Variants in AGAP6 observed in about 807,000 individuals in gnomAD.
AGAP6 encodes the protein arf-GAP with GTPase, ANK repeat and PH domain-containing protein 6.
Under a neutral mutation model 63.9 loss-of-function variants are expected in AGAP6, and 29 were observed. That is an observed-to-expected ratio of 0.45 (90% confidence interval 0.34 to 0.62). The LOEUF is 0.62. Among genes scored for constraint, AGAP6 ranks in the 20% least tolerant of loss-of-function variants. The probability of loss-of-function intolerance (pLI) is 0.01; values close to 1 mark genes in which losing one functional copy is unlikely to be tolerated. For missense variants in AGAP6, 493 were observed against 884.9 expected (o/e 0.56, Z 5.62); for synonymous variants, 199 against 332.9 (o/e 0.60, Z 4.38).
chr10:50,001,448 C>G (rs1313445296), intron 4 of AGAP6, among the ~76,000 whole-genome samples: 1 of 115,710 alleles, frequency 8.6e-6, no homozygotes, highest in South Asian at 3.4e-4. Context: ...GAGACGGAGT[C>G]TCACTTTGTC....
At position 49,996,224 on chromosome 10, in the gene AGAP6, T is replaced by C. The variant is rs186015074; in HGVS notation, c.396+1795T>C. ...ACTATTTCTATTGAATTTTGTAATT[T>C]TTGGAGTGTTTTAAGATTTTTTTTT... On this transcript the variant is annotated intron_variant, in intron 4 of 7. Coordinates refer to ENST00000412531, the MANE Select transcript of AGAP6 (RefSeq NM_001077665.3). 5.9e-3 allele frequency among the ~76,000 whole-genome samples: 898 copies of C among 152,310 alleles called. 12 individuals carry two copies. Among genetic ancestry groups the C allele is most frequent in the African/African-American group, 0.02 (832 of 41,566 alleles).
At chr10:49,997,729 A>G (rs77358854) in intron 4 of AGAP6, among the ~76,000 whole-genome samples, 1 of 151,406 alleles carries the variant, frequency 6.6e-6, no homozygotes, top group South Asian at 2.1e-4. Flanking sequence ...AGGTGCACCC[A>G]TCACCTGAGC....
intron 2 of AGAP6, 64 bp downstream of exon 2, chr10:49,989,440 G>A: frequency 2.5e-6 from 4 of 1,594,138 alleles, no homozygotes; most frequent in South Asian, 1.1e-5. Flanking sequence ...GCTTCTTTGA[G>A]CTATTCTCTT....
At chr10:50,006,885 T>G (rs1554863991) in intron 6 of AGAP6, among the ~76,000 whole-genome samples, 1 of 152,184 alleles carries the variant, frequency 6.6e-6, no homozygotes, top group Non-Finnish European at 1.5e-5. Flanking sequence ...TCAGGCTATG[T>G]TTTTTACCTG....
At position 50,009,563 on chromosome 10, in the gene AGAP6, G is replaced by A. The variant is rs1554865123; in HGVS notation, c.1438G>A (p.Val480Met). 6 of 1,613,866 alleles carry A rather than the reference G, an allele frequency of 3.7e-6. No homozygotes were observed. Among genetic ancestry groups the A allele is most frequent in the Non-Finnish European group, 5.1e-6 (6 of 1,180,010 alleles). Residue 480 changes from valine (V) to methionine (M), a missense_variant, in exon 8 of 8, where the codon GTG becomes ATG. By Grantham distance (21) the Val-to-Met change is conservative (BLOSUM62 1). Transcript: ENST00000412531. ...IQNMRGNAHC[V>M]DCETQNPKWA... ...AAACATGCGTGGGAACGCCCACTGT[G>A]TGGACTGTGAGACCCAGAATCCTAA...
chr10:50,005,895 G>C (rs1554863813), intron 6 of AGAP6, among the ~76,000 whole-genome samples: 1 of 147,462 alleles, frequency 6.8e-6, no homozygotes, highest in Non-Finnish European at 1.5e-5. Context: ...ACCCCAGCCT[G>C]GGTGACAGAG....
chr10:50,009,031 G>T lies in AGAP6; in HGVS notation c.906G>T (p.Lys302Asn). The T allele has an allele frequency of 6.2e-7, 1 of 1,613,734 alleles. No individual in the cohort carries two copies. Among genetic ancestry groups the T allele is most frequent in the African/African-American group, 1.3e-5 (1 of 75,012 alleles). Residue 302 changes from lysine to asparagine, a missense_variant, in exon 8 of 8, where the codon AAG becomes AAT. Lys to Asn is a moderately conservative substitution (Grantham distance 94). This residue lies in a region of AGAP6 where 342 missense variants were observed against 533.4 expected (regional missense o/e 0.64). Transcript: ENST00000412531. Reference sequence around the variant, plus strand: ...GGAAATGGCTGAAGACATGGAAAAAGAAATACGTCACCCTGTGTTCCAATG... The same window carrying T: ...GGAAATGGCTGAAGACATGGAAAAATAAATACGTCACCCTGTGTTCCAATG... ...RSGKWLKTWK[K>N]KYVTLCSNGM...
In AGAP6 at chr10:50,008,700, G is replaced by A. The variant is rs1554864430; in HGVS notation, c.586-11G>A. 2 of 1,614,088 alleles carry A rather than the reference G, an allele frequency of 1.2e-6. No individual in the cohort carries two copies. The highest frequency in any genetic ancestry group is 1.7e-6 in the Non-Finnish European group (2 of 1,180,026). On this transcript the variant is annotated splice_polypyrimidine_tract_variant and intron_variant, in intron 7 of 7. Transcript: ENST00000412531. Reference sequence around the variant, plus strand: ...AATTTTTGAAGCCATTCCTCCTCCTGTTCCACACAGGTTTCCACCGTGCAC... The same window carrying A: ...AATTTTTGAAGCCATTCCTCCTCCTATTCCACACAGGTTTCCACCGTGCAC...
At chr10:50,004,295 G>A (rs1841822602) in intron 5 of AGAP6, among the ~76,000 whole-genome samples, 1 of 150,784 alleles carries the variant, frequency 6.6e-6, no homozygotes, top group African/African-American at 2.4e-5. Flanking sequence ...GGTGGAGGTT[G>A]TGAGGAGTCA....
At chr10:49,992,423 A>G (rs1564706665) in intron 3 of AGAP6, among the ~76,000 whole-genome samples, 3 of 152,320 alleles carry the variant, frequency 2.0e-5, no homozygotes, top group South Asian at 2.1e-4. Context: ...TGAGGGTTCT[A>G]TAATAATGTG....
chr10:49,990,936 T>TTA (rs1332286322), intron 2 of AGAP6, among the ~76,000 whole-genome samples: 1 of 151,986 alleles, frequency 6.6e-6, no homozygotes, highest in Non-Finnish European at 1.5e-5. Context: ...TTGTGTAAAC[T>TTA]TATACTCTGC....
chr10:49,991,231 C>T (rs71508023), intron 2 of AGAP6, among the ~76,000 whole-genome samples: 27,915 of 149,806 alleles, frequency 0.19, 3,122 homozygotes, highest in Non-Finnish European at 0.26. Flanking sequence ...GTGACAGATA[C>T]GATGAATTTA....
intron 6 of AGAP6, 63 bp from the exon 7 acceptor site, chr10:50,007,962 C>T: frequency 6.2e-7 from 1 of 1,610,492 alleles, no homozygotes; most frequent in Non-Finnish European, 8.5e-7. Context: ...CAGTATTTTA[C>T]TAAACAAATA....
chr10:49,996,813 T>G (rs2132132967), intron 4 of AGAP6, among the ~76,000 whole-genome samples: 1 of 152,104 alleles, frequency 6.6e-6, no homozygotes, highest in South Asian at 2.1e-4. Flanking sequence ...AACCTGCCTT[T>G]AGTTCTGCAA....
At chr10:49,997,278 A>G (rs1353948858) in intron 4 of AGAP6, among the ~76,000 whole-genome samples, 1 of 152,176 alleles carries the variant, frequency 6.6e-6, no homozygotes, top group Non-Finnish European at 1.5e-5. Context: ...ATTTAAGTTA[A>G]ATAAGATTTG....
chr10:50,008,893 T>C lies in AGAP6; in HGVS notation c.768T>C (p.Ser256=), dbSNP rs1842010730. The C allele has an allele frequency of 6.2e-7, 1 of 1,611,532 alleles. No homozygotes were observed. The highest frequency in any genetic ancestry group is 2.2e-5 in the East Asian group (1 of 44,840). ...TGCGCTGGTCCAACCTGTTTACATC[T>C]GAGAAAGGGAGTGACCCAGACAAAG... ...RSMRWSNLFT[S]EKGSDPDKER... The change falls in exon 8 of 8, where the codon TCT becomes TCC. Residue 256 remains serine, a synonymous_variant. Transcript: ENST00000412531.
At chr10:50,001,160 C>G (rs1390753167) in intron 4 of AGAP6, among the ~76,000 whole-genome samples, 3 of 148,744 alleles carry the variant, frequency 2.0e-5, no homozygotes, top group Non-Finnish European at 4.5e-5. Context: ...GAAACCCCGT[C>G]TCTACTAAAA....
Position 49,988,793 on chromosome 10 carries a change from C to T in AGAP6, c.78C>T (p.Pro26=), listed in dbSNP as rs1841142173. The change falls in exon 1 of 8, where the codon CCC becomes CCT. Residue 26 remains proline, a synonymous_variant. Transcript: ENST00000412531. The part of the protein sequence containing the change: ...EFDQQQGSVC[P]SESETYEAGA... Reference sequence around the variant, plus strand: ...ACCAGCAGCAGGGGTCGGTGTGTCCCTCTGAATCTGAGACCTATGAGGCAG... The same window carrying T: ...ACCAGCAGCAGGGGTCGGTGTGTCCTTCTGAATCTGAGACCTATGAGGCAG... 2 of 1,597,150 alleles carry T rather than the reference C, an allele frequency of 1.3e-6. No individual in the cohort carries two copies. Among genetic ancestry groups the T allele is most frequent in the East Asian group, 4.5e-5 (2 of 44,818 alleles).
intron 2 of AGAP6, 97 bp from the exon 3 acceptor site, chr10:49,991,579 A>T (rs1247599074): frequency 6.7e-7 from 1 of 1,487,304 alleles, no homozygotes; most frequent in African/African-American, 1.4e-5. Flanking sequence ...CAAAGTAGAG[A>T]TAGTGAAATA....
Sources: allele counts gnomAD v4.1 joint callset (sites outside exome capture counted in the v4.1 genomes callset), GRCh38; gene constraint gnomAD v4.1.1; regional missense constraint gnomAD v4.1.1; transcripts MANE v1.5; gene names NCBI Gene and HGNC (gene_info 2026-07-23, HGNC 2026-07-21).